EFHD1: variants seen among roughly 807,000 people sequenced by gnomAD.
EFHD1 encodes EF-hand domain-containing protein D1.
Under a neutral mutation model 17.2 loss-of-function variants are expected in EFHD1, and 10 were observed. The ratio of observed to expected loss-of-function variants is 0.58; its 90% CI spans 0.36 to 0.99. EFHD1 has a LOEUF of 0.99. Ranked by LOEUF, EFHD1 falls within the 50% of genes least tolerant of loss-of-function variation. The probability of loss-of-function intolerance (pLI) is 0.01; values close to 1 mark genes in which losing one functional copy is unlikely to be tolerated. For synonymous variants in EFHD1, 153 were observed against 142.0 expected (o/e 1.08, Z -0.55); for missense variants, 310 against 327.5 (o/e 0.95, Z 0.41).
intron 1 of EFHD1, among the ~76,000 whole-genome samples, chr2:232,639,489 ACTCT>A (rs1224529830): frequency 3.3e-5 from 5 of 149,840 alleles, no homozygotes; most frequent in Admixed American, 6.7e-5. Flanking sequence ...GCCTGGCCAG[ACTCT>A]CTCTCTCTCT....
At chr2:232,659,799 C>T (rs1455622371) in intron 1 of EFHD1, among the ~76,000 whole-genome samples, 2 of 152,106 alleles carry the variant, frequency 1.3e-5, no homozygotes, top group Admixed American at 6.5e-5. Flanking sequence ...CAGGCTGTAC[C>T]GGAAGCATGG....
chr2:232,645,869 A>C (rs1437544012), intron 1 of EFHD1, among the ~76,000 whole-genome samples: 1 of 152,200 alleles, frequency 6.6e-6, no homozygotes. Context: ...ATTTGAACCC[A>C]AGTGGCCTGC....
chr2:232,646,626 G>A (rs960337216), intron 1 of EFHD1, among the ~76,000 whole-genome samples: 4 of 151,828 alleles, frequency 2.6e-5, no homozygotes, highest in African/African-American at 9.7e-5. Flanking sequence ...TGTATTTTTA[G>A]TAGAGATGGG....
At chr2:232,629,815 T>C (rs545919474), upstream of EFHD1, among the ~76,000 whole-genome samples, 52 of 151,972 alleles carry the variant, frequency 3.4e-4, no homozygotes, top group African/African-American at 1.3e-3. Flanking sequence ...TTATCTGGAC[T>C]CTTAGCATTT....
chr2:232,646,052 C>G (rs140614952), intron 1 of EFHD1, among the ~76,000 whole-genome samples: 2 of 152,220 alleles, frequency 1.3e-5, no homozygotes, highest in Admixed American at 1.3e-4. Context: ...ACCACCTGCC[C>G]TGAGCCTGTA....
intron 1 of EFHD1, among the ~76,000 whole-genome samples, chr2:232,607,298 C>T (rs1469263904): frequency 7.3e-5 from 11 of 151,318 alleles, no homozygotes; most frequent in Admixed American, 2.6e-4. Flanking sequence ...AAAAATTAGC[C>T]GGTCGGGCTG....
At chr2:232,666,089 T>C (rs899982396) in intron 2 of EFHD1, among the ~76,000 whole-genome samples, 2 of 152,172 alleles carry the variant, frequency 1.3e-5, no homozygotes, top group African/African-American at 4.8e-5. Flanking sequence ...CACAAGCCCC[T>C]CCCTCAGCCA....
intron 2 of EFHD1, among the ~76,000 whole-genome samples, chr2:232,670,980 T>G (rs544172679): frequency 6.6e-6 from 1 of 152,356 alleles, no homozygotes; most frequent in Admixed American, 6.5e-5. Context: ...ACAGGTTTAT[T>G]TGATTTTTCT....
chr2:232,608,594 G>A (rs1445830142), intron 1 of EFHD1, among the ~76,000 whole-genome samples: 1 of 152,132 alleles, frequency 6.6e-6, no homozygotes, highest in African/African-American at 2.4e-5. Flanking sequence ...TTGGGAAAAA[G>A]AGAAGAAAAC....
chr2:232,612,144 G>A (rs1693825181), intron 1 of EFHD1, among the ~76,000 whole-genome samples: 1 of 152,188 alleles, frequency 6.6e-6, no homozygotes, highest in Non-Finnish European at 1.5e-5. Flanking sequence ...CTGCCACTGT[G>A]CCCAGCTTGA....
At chr2:232,628,019 C>G (rs74467844) in intron 1 of EFHD1, among the ~76,000 whole-genome samples, 276 of 152,200 alleles carry the variant, frequency 1.8e-3, no homozygotes, top group Non-Finnish European at 2.4e-3. Context: ...GGAATGAAGA[C>G]TCTGCACCAA....
chr2:232,621,582 A>G (rs1694019358), intron 1 of EFHD1, among the ~76,000 whole-genome samples: 1 of 152,080 alleles, frequency 6.6e-6, no homozygotes, highest in Non-Finnish European at 1.5e-5. Context: ...CCTCCCAAGT[A>G]GCTGGGATTA....
At chr2:232,625,224 G>A (rs1694086437) in intron 1 of EFHD1, among the ~76,000 whole-genome samples, 2 of 152,096 alleles carry the variant, frequency 1.3e-5, no homozygotes, top group Admixed American at 6.6e-5. Context: ...GATCTCTTAG[G>A]CTCAAGCAAT....
At chr2:232,660,450 T>C (rs925346199) in intron 1 of EFHD1, among the ~76,000 whole-genome samples, 2 of 151,854 alleles carry the variant, frequency 1.3e-5, no homozygotes, top group Admixed American at 1.3e-4. Context: ...TCCACCCGCC[T>C]TGGCCTCCCA....
chr2:232,641,076 T>G (rs566783931), intron 1 of EFHD1, among the ~76,000 whole-genome samples: 1 of 152,312 alleles, frequency 6.6e-6, no homozygotes, highest in East Asian at 1.9e-4. Flanking sequence ...AGGGTCTCTC[T>G]CTGTCACCCA....
At chr2:232,677,140 A>G (rs910866868) in intron 3 of EFHD1, among the ~76,000 whole-genome samples, 5 of 151,658 alleles carry the variant, frequency 3.3e-5, no homozygotes, top group East Asian at 3.9e-4. Flanking sequence ...TGGGAGGCCA[A>G]GGTGGGAGGA....
At position 232,651,259 on chromosome 2, in the gene EFHD1, C is replaced by T. The variant is rs147818946; in HGVS notation, c.303-11543C>T. Among the ~76,000 whole-genome samples the T allele has an allele frequency of 1.3e-4, 20 of 152,252 alleles. No individual in the cohort carries two copies. The East Asian group carries it at 2.7e-3, about 21-fold the overall frequency. On this transcript the variant is annotated intron_variant, in intron 1 of 3. Coordinates refer to ENST00000264059, the MANE Select transcript of EFHD1 (RefSeq NM_025202.4). ...CTCTGCCCAGGGGAGGGGTGCCAGGCGTGCTATTCTGTGGGGTTCCCTTTC... is the reference window on the plus strand; with the variant it reads ...CTCTGCCCAGGGGAGGGGTGCCAGGTGTGCTATTCTGTGGGGTTCCCTTTC...
intron 1 of EFHD1, among the ~76,000 whole-genome samples, chr2:232,646,776 C>A (rs1425799637): frequency 6.6e-6 from 1 of 152,226 alleles, no homozygotes; most frequent in African/African-American, 2.4e-5. Context: ...GATGCTCCCC[C>A]ACCTTCCAGA....
upstream of EFHD1, among the ~76,000 whole-genome samples, chr2:232,632,184 T>C (rs1694215056): frequency 6.6e-6 from 1 of 152,142 alleles, no homozygotes; most frequent in Admixed American, 6.5e-5. Context: ...ATTTGCAGGG[T>C]TGCCATTGTA....
Sources: gnomAD v4.1 joint callset for allele counts (sites outside exome capture counted in the v4.1 genomes callset) on GRCh38, gnomAD v4.1.1 for gene constraint, MANE v1.5 for transcripts, NCBI Gene and HGNC (gene_info 2026-07-23, HGNC 2026-07-21) for gene names.